KAZN: variants seen among roughly 807,000 people sequenced by gnomAD.
The protein encoded by KAZN is kazrin.
A neutral mutation model predicts 87.4 loss-of-function variants in KAZN; 40 were observed. That is an observed-to-expected ratio of 0.46 (90% confidence interval 0.36 to 0.60). The LOEUF (loss-of-function observed/expected upper bound fraction) is 0.60, where lower values mean the gene tolerates loss of function less well. Ranked by LOEUF, KAZN falls within the 20% of genes least tolerant of loss-of-function variation. The probability of loss-of-function intolerance (pLI) is 0.00; values close to 1 mark genes in which losing one functional copy is unlikely to be tolerated. For missense variants in KAZN, 898 were observed against 1,073.9 expected, an observed-to-expected ratio of 0.84 and a Z score of 2.29; for synonymous variants, 466 against 458.3, an observed-to-expected ratio of 1.02 and a Z score of -0.22.
At chr1:14,227,879 A>AT (rs1472517017) in intron 2 of KAZN, among the ~76,000 whole-genome samples, 6 of 152,156 alleles carry the variant, frequency 3.9e-5, no homozygotes, top group Non-Finnish European at 8.8e-5. Context: ...AGCTTAGACT[A>AT]TATACACACC....
chr1:14,066,164 C>G (rs1643001695), intron 1 of KAZN, among the ~76,000 whole-genome samples: 1 of 152,138 alleles, frequency 6.6e-6, no homozygotes, highest in Admixed American at 6.5e-5. Context: ...TTATTTCATC[C>G]TCTTTATGGC....
intron 1 of KAZN, among the ~76,000 whole-genome samples, chr1:14,695,768 T>C (rs1641568714): frequency 1.3e-5 from 2 of 151,898 alleles, no homozygotes; most frequent in Admixed American, 1.3e-4. Context: ...CCTCCCAAAG[T>C]GCTGGGATTA....
upstream of KAZN, among the ~76,000 whole-genome samples, chr1:14,594,496 G>T (rs953879939): frequency 6.6e-6 from 1 of 152,208 alleles, no homozygotes; most frequent in South Asian, 2.1e-4. Context: ...CTTGGATGGG[G>T]TTGGGCTGGT....
At chr1:14,005,191 G>C (rs1639984036) in intron 1 of KAZN, among the ~76,000 whole-genome samples, 1 of 152,216 alleles carries the variant, frequency 6.6e-6, no homozygotes. Context: ...CTGCAGAGTA[G>C]AGCCAGACAG....
At chr1:14,091,718 C>T (rs1380743782) in intron 1 of KAZN, among the ~76,000 whole-genome samples, 1 of 152,084 alleles carries the variant, frequency 6.6e-6, no homozygotes, top group African/African-American at 2.4e-5. Flanking sequence ...CTATGGACCC[C>T]CTCCTAGGAA....
rs571929235 is a variant in KAZN at position 14,317,284 on chromosome 1, T to C, written c.249+136692T>C. Among the ~76,000 whole-genome samples the C allele has an allele frequency of 2.0e-5, 3 of 152,094 alleles. No individual in the cohort carries two copies. In the East Asian group the frequency reaches 5.8e-4, roughly 29 times the overall value. On this transcript the variant is annotated intron_variant, in intron 2 of 16. Coordinates refer to the KAZN transcript ENST00000636203. Reference sequence around the variant, plus strand: ...TATCATTGTACAATATTCATCTTTATCCCTCTTAATATTCCTTTTTCAAAA... The same window carrying C: ...TATCATTGTACAATATTCATCTTTACCCCTCTTAATATTCCTTTTTCAAAA...
intron 2 of KAZN, among the ~76,000 whole-genome samples, chr1:14,297,437 C>T (rs1312059811): frequency 6.6e-6 from 1 of 152,164 alleles, no homozygotes; most frequent in Non-Finnish European, 1.5e-5. Context: ...TTGGGACACT[C>T]ACCTTTTTAT....
At position 14,577,025 on chromosome 1, in the gene KAZN, G is replaced by A. The variant is rs546246123; in HGVS notation, c.250-21958G>A. Among the ~76,000 whole-genome samples, 19 of 152,264 alleles carry A rather than the reference G, an allele frequency of 1.2e-4. No individual in the cohort carries two copies. The South Asian group carries it at 2.3e-3, about 18-fold the overall frequency. ...GGCTTCCCTTTGGTAGTTTGAAGACGCAGCTACTGGTGCTACTGATTAAAA... is the reference window on the plus strand; with the variant it reads ...GGCTTCCCTTTGGTAGTTTGAAGACACAGCTACTGGTGCTACTGATTAAAA... On this transcript the variant is annotated intron_variant, in intron 2 of 16. Transcript: ENST00000636203.
chr1:14,837,428 A>G (rs1449715001), intron 1 of KAZN, among the ~76,000 whole-genome samples: 2 of 151,890 alleles, frequency 1.3e-5, no homozygotes, highest in Non-Finnish European at 2.9e-5. Flanking sequence ...CGAACTCCCG[A>G]CCTCAGGTGA....
At chr1:13,981,769 C>G (rs1048919128) in intron 1 of KAZN, among the ~76,000 whole-genome samples, 2 of 152,176 alleles carry the variant, frequency 1.3e-5, no homozygotes, top group East Asian at 1.9e-4. Flanking sequence ...TTCTGGCTCT[C>G]GTTCAGCAGG....
intron 1 of KAZN, among the ~76,000 whole-genome samples, chr1:14,117,345 T>C (rs911836410): frequency 3.9e-5 from 6 of 152,164 alleles, no homozygotes; most frequent in African/African-American, 1.4e-4. Context: ...ATAAGTCTCA[T>C]GGGAACTGAT....
chr1:14,086,621 C>A (rs1386579918), intron 1 of KAZN, among the ~76,000 whole-genome samples: 4 of 152,012 alleles, frequency 2.6e-5, no homozygotes, highest in Admixed American at 1.3e-4. Flanking sequence ...ATAATCTTTG[C>A]CTATTTAAGT....
intron 1 of KAZN, among the ~76,000 whole-genome samples, chr1:14,718,614 T>C (rs907198783): frequency 1.3e-5 from 2 of 152,302 alleles, no homozygotes; most frequent in African/African-American, 4.8e-5. Flanking sequence ...AAGCTGACTG[T>C]TAAATATTTG....
intron 2 of KAZN, among the ~76,000 whole-genome samples, chr1:14,280,757 A>G (rs1263494153): frequency 6.6e-6 from 1 of 152,206 alleles, no homozygotes; most frequent in East Asian, 1.9e-4. Flanking sequence ...TCCCATACAC[A>G]GACATTCATT....
At chr1:15,086,190 C>T (rs766532463) in intron 8 of KAZN, among the ~76,000 whole-genome samples, 21 of 152,058 alleles carry the variant, frequency 1.4e-4, no homozygotes, top group Non-Finnish European at 2.5e-4. Context: ...AGGGTGGTCT[C>T]GAACTCCTGA....
At chr1:14,875,516 T>C (rs1652674441) in intron 1 of KAZN, among the ~76,000 whole-genome samples, 1 of 150,534 alleles carries the variant, frequency 6.6e-6, no homozygotes, top group African/African-American at 2.4e-5. Context: ...AAAAAAAAAC[T>C]ATTTTCAATG....
At chr1:14,350,958 G>A (rs894370026) in intron 2 of KAZN, 1 of 152,316 alleles carries the variant, frequency 6.6e-6, no homozygotes, top group African/African-American at 2.4e-5. Context: ...TTTCAGGCAG[G>A]GGTGTGTGTG....
rs1231870257 is a variant in KAZN, at chr1:15,094,344, A to T, written c.1387A>T (p.Met463Leu). The change falls in exon 9 of 15, where the codon ATG becomes TTG. Residue 463 changes from methionine (M) to leucine (L), a missense_variant. Physicochemically the swap from Met to Leu is conservative, Grantham distance 15. Around this residue, in one of 3 missense-constraint regions of KAZN, gnomAD observed 521 missense variants for 689.4 expected, o/e 0.76. Coordinates refer to ENST00000376030, the MANE Select transcript of KAZN (RefSeq NM_201628.3). This position sits in a 1 kb window ranked among gnomAD's most constrained non-coding sequence, Gnocchi z 4.5. ...GCTGGAGGTGGTGATGGCCATGCCT[A>T]TGTACGTCAAGGCCTGCACGGAGAA... is the stretch of plus-strand genomic sequence containing the variant. Reference protein sequence around the residue: ...AWLEVVMAMPMYVKACTENVK... With the variant: ...AWLEVVMAMPLYVKACTENVK... 6.2e-7 allele frequency: 1 copy of T among 1,613,784 alleles called. No individual in the cohort carries two copies. Among genetic ancestry groups the T allele is most frequent in the Non-Finnish European group, 8.5e-7 (1 of 1,179,846 alleles).
chr1:14,196,367 C>A lies in KAZN; in HGVS notation c.249+15775C>A, dbSNP rs146866647. On this transcript the variant is annotated intron_variant, in intron 2 of 16. Transcript: ENST00000636203. ...GGCCTAAGGAATGGAAACTAGGTGACCTATTAGGAGACAGTAACCCAGATA... is the reference window on the plus strand; with the variant it reads ...GGCCTAAGGAATGGAAACTAGGTGAACTATTAGGAGACAGTAACCCAGATA... 2.3e-3 allele frequency among the ~76,000 whole-genome samples: 345 copies of A among 152,148 alleles called. 3 individuals carry two copies. The highest frequency in any genetic ancestry group is 7.8e-3 in the African/African-American group (322 of 41,518).
Sources: gnomAD v4.1 joint callset for allele counts (sites outside exome capture counted in the v4.1 genomes callset) on GRCh38, gnomAD v4.1.1 for gene constraint, gnomAD v4.1.1 regional missense constraint, Gnocchi (gnomAD v3.1) non-coding constraint, MANE v1.5 for transcripts, NCBI Gene and HGNC (gene_info 2026-07-23, HGNC 2026-07-21) for gene names.